HELQ: variants seen among roughly 807,000 people sequenced by gnomAD.
HELQ encodes helicase POLQ-like.
Under a neutral mutation model 111.6 loss-of-function variants are expected in HELQ, and 77 were observed. That is an observed-to-expected ratio of 0.69 (90% CI 0.57 to 0.83). The LOEUF is 0.83. Ranked by LOEUF, HELQ falls within the 40% of genes least tolerant of loss-of-function variation. HELQ has a pLI of 0.00. For missense variants in HELQ, 1,200 were observed against 1,288.5 expected (o/e 0.93, Z 1.05); for synonymous variants, 438 against 454.7 (o/e 0.96, Z 0.47).
chr4:83,440,449 C>T (rs1456765952), intron 7 of HELQ, among the ~76,000 whole-genome samples: 1 of 152,092 alleles, frequency 6.6e-6, no homozygotes, highest in Non-Finnish European at 1.5e-5. Flanking sequence ...CAGATTCAAT[C>T]ATACTACTGA....
chr4:83,415,859 C>A (rs2109965472), intron 17 of HELQ, among the ~76,000 whole-genome samples: 1 of 151,936 alleles, frequency 6.6e-6, no homozygotes, highest in South Asian at 2.1e-4. Context: ...GTTGGCCAGG[C>A]TGGTCTCAAA....
At chr4:83,428,439 T>C (rs1384734604) in intron 12 of HELQ, among the ~76,000 whole-genome samples, 1 of 152,098 alleles carries the variant, frequency 6.6e-6, no homozygotes, top group Non-Finnish European at 1.5e-5. Flanking sequence ...CATGCCCCTG[T>C]AGTCCCAGCT....
At chr4:83,418,268 G>T in intron 15 of HELQ, 62 bp from the exon 16 acceptor site, 1 of 873,762 alleles carries the variant, frequency 1.1e-6, no homozygotes, top group Non-Finnish European at 1.8e-6. Context: ...AGTTTGGTTT[G>T]TGTGATAGGG....
rs1282142980 is a variant in HELQ at position 83,432,477 on chromosome 4, T to A, written c.2049-210A>T. The stretch of plus-strand genomic sequence containing the variant: ...AACTCTTAGTTATAATATACTTTTT[T>A]ATTTCATTTTTATAAAGGAATTAAT... On this transcript the variant is annotated intron_variant, in intron 9 of 17. Coordinates refer to ENST00000295488, the MANE Select transcript of HELQ (RefSeq NM_133636.5). 1.1e-4 allele frequency among the ~76,000 whole-genome samples: 17 copies of A among 152,294 alleles called. 1 individual carries two copies. The South Asian group carries it at 1.9e-3, about 17-fold the overall frequency.
chr4:83,417,014 G>A, intron 16 of HELQ, 149 bp from the exon 17 acceptor site: 2 of 703,408 alleles, frequency 2.8e-6, no homozygotes, highest in Non-Finnish European at 4.5e-6. Context: ...GAATACTGAG[G>A]AATTTTTAAA....
chr4:83,433,979 CAAA>C (rs60020544), intron 9 of HELQ, among the ~76,000 whole-genome samples: 5 of 63,992 alleles, frequency 7.8e-5, no homozygotes, highest in Admixed American at 3.7e-4. Flanking sequence ...GACTCTGTCT[CAAA>C]AAAAAAAAAA....
In HELQ at chr4:83,444,382, T is replaced by C. The variant is rs528981163; in HGVS notation, c.1466-768A>G. 4.6e-5 allele frequency among the ~76,000 whole-genome samples: 7 copies of C among 152,258 alleles called. No homozygotes were observed. The South Asian group carries it at 1.5e-3, about 32-fold the overall frequency. ...TATCAAGCTAACTTTTAATTTTATT[T>C]ATTTATTTATTTTTTTGAGACAGAG... On this transcript the variant is annotated intron_variant, in intron 5 of 17. Transcript: ENST00000295488.
At position 83,448,683 on chromosome 4, in the gene HELQ, AAG is replaced by A. The variant is rs1553932800; in HGVS notation, c.1191+98_1191+99del. 189 of 1,049,688 alleles carry A rather than the reference AAG, an allele frequency of 1.8e-4. No homozygotes were observed. In the African/African-American group the frequency reaches 2.4e-3, roughly 13 times the overall value. The allele number at this position is 1,049,688 out of a possible 1,614,324, so 65.0% of individuals were successfully genotyped here. ...AGACTCCATCTCAAAAAAAAAAAAA[AAG>A]AGGTACTTCTCAACAATACAAAGTT... On this transcript the variant is annotated intron_variant, in intron 3 of 17. Coordinates refer to ENST00000295488, the MANE Select transcript of HELQ (RefSeq NM_133636.5).
At chr4:83,448,680 AAAAAG>A in intron 3 of HELQ, 98 bp downstream of exon 3, 1 of 1,049,142 alleles carries the variant, frequency 9.5e-7, no homozygotes, top group Non-Finnish European at 1.4e-6. Context: ...AAAAAAAAAA[AAAAAG>A]AGGTACTTCT....
chr4:83,451,009 G>T (rs1307454223), intron 2 of HELQ, among the ~76,000 whole-genome samples: 1 of 152,194 alleles, frequency 6.6e-6, no homozygotes, highest in Non-Finnish European at 1.5e-5. Context: ...ATTTCCAGGT[G>T]ATGTTGATGC....
At chr4:83,421,132 G>A (rs529375247) in intron 15 of HELQ, among the ~76,000 whole-genome samples, 41 of 152,286 alleles carry the variant, frequency 2.7e-4, no homozygotes, top group Admixed American at 1.2e-3. Context: ...TTTTTAAAAA[G>A]AGAATATGGT....
intron 12 of HELQ, 147 bp from the exon 13 acceptor site, chr4:83,427,867 C>T (rs1410492482): frequency 1.7e-5 from 9 of 518,840 alleles, no homozygotes; most frequent in Non-Finnish European, 2.9e-5. Flanking sequence ...TTTTGGAGGT[C>T]ATTTTGATAG....
rs927516911 is a variant in HELQ at position 83,453,747 on chromosome 4, T to G, written c.496A>C (p.Thr166Pro). Residue 166 changes from threonine (T) to proline (P), a missense_variant, in exon 2 of 18, where the codon ACT (threonine) becomes CCT (proline). Transcript: ENST00000295488. ...KLSITTIGNLTELQTDKHTEN... is the reference protein window; with the variant it reads ...KLSITTIGNLPELQTDKHTEN... ...GTGTGCTTATCAGTTTGTAATTCAG[T>G]AAGGTTGCCTATGGTAGTAATGCTG... 14 of 1,614,086 alleles carry G rather than the reference T, an allele frequency of 8.7e-6. No homozygotes were observed. Among genetic ancestry groups the G allele is most frequent in the African/African-American group, 1.3e-5 (1 of 74,934 alleles).
intron 17 of HELQ, among the ~76,000 whole-genome samples, chr4:83,414,362 G>C (rs1218894917): frequency 6.6e-6 from 1 of 152,158 alleles, no homozygotes; most frequent in Admixed American, 6.5e-5. Context: ...CCATCCACAG[G>C]GGTGCTGTGG....
chr4:83,431,828 T>C lies in HELQ; in HGVS notation c.2191-60A>G. 5.8e-6 allele frequency: 4 copies of C among 688,544 alleles called. No individual in the cohort carries two copies. In the South Asian group the frequency reaches 1.7e-4, roughly 29 times the overall value. 42.7% of individuals were successfully genotyped at this position (688,544 alleles called of 1,614,324 possible). A position where few individuals can be genotyped will look rare whatever the true frequency, so the allele number is the denominator to read the frequency against. ...ATTATTAAAAATAAATGGTATTTAA[T>C]ATAAATATTTTATACTTTACATAAA... On this transcript the variant is annotated intron_variant, in intron 10 of 17. Transcript: ENST00000295488.
intron 17 of HELQ, among the ~76,000 whole-genome samples, chr4:83,411,132 T>C (rs923322137): frequency 3.3e-4 from 47 of 142,494 alleles, no homozygotes; most frequent in Middle Eastern, 3.6e-3. Context: ...TGCATTCCAG[T>C]TGGAGTGAGA....
intron 8 of HELQ, among the ~76,000 whole-genome samples, chr4:83,438,535 G>C (rs1720583660): frequency 1.3e-5 from 2 of 152,042 alleles, no homozygotes; most frequent in Admixed American, 1.3e-4. Context: ...GAGCTCAGGA[G>C]TTCGAAACCA....
chr4:83,412,456 AT>A (rs1318155185), intron 17 of HELQ, among the ~76,000 whole-genome samples: 1 of 152,188 alleles, frequency 6.6e-6, no homozygotes. Flanking sequence ...AGAAAACAGA[AT>A]TTCTCTCTCT....
chr4:83,416,257 G>A (rs1272148966), intron 17 of HELQ, among the ~76,000 whole-genome samples: 1 of 148,906 alleles, frequency 6.7e-6, no homozygotes, highest in African/African-American at 2.5e-5. Flanking sequence ...ATTTTTTTTG[G>A]GGCGGGGGGA....
Sources: allele counts gnomAD v4.1 joint callset (sites outside exome capture counted in the v4.1 genomes callset), GRCh38; gene constraint gnomAD v4.1.1; transcripts MANE v1.5; gene names NCBI Gene and HGNC (gene_info 2026-07-23, HGNC 2026-07-21).